CELA1: variants seen among roughly 807,000 people sequenced by gnomAD.
The protein encoded by CELA1 is chymotrypsin like elastase 1.
Under a neutral mutation model 34.8 loss-of-function variants are expected in CELA1, and 28 were observed. The ratio of observed to expected loss-of-function variants is 0.80; its 90% CI spans 0.60 to 1.10. The LOEUF (loss-of-function observed/expected upper bound fraction) is 1.10, where lower values mean the gene tolerates loss of function less well. Ranked by LOEUF, CELA1 falls within the 50% of genes least tolerant of loss-of-function variation. The pLI is 0.00. For synonymous variants in CELA1, 140 were observed against 129.8 expected (o/e 1.08, Z -0.53); for missense variants, 288 against 327.5 (o/e 0.88, Z 0.93).
chr12:51,332,810 G>C (rs1592295357), intron 6 of CELA1, among the ~76,000 whole-genome samples: 1 of 152,222 alleles, frequency 6.6e-6, no homozygotes, highest in East Asian at 1.9e-4. Flanking sequence ...AGTGAGCTGA[G>C]ATCACGCTAC....
chr12:51,341,125 G>C (rs1946531765), intron 5 of CELA1, 119 bp downstream of exon 5: 1 of 1,009,056 alleles, frequency 9.9e-7, no homozygotes, highest in African/African-American at 1.6e-5. Flanking sequence ...TGTATCTATG[G>C]TTCTTTTAGC....
At chr12:51,343,132 G>A (rs943502187) in intron 3 of CELA1, among the ~76,000 whole-genome samples, 45 of 152,226 alleles carry the variant, frequency 3.0e-4, no homozygotes, top group African/African-American at 1.0e-3. Flanking sequence ...CTTGTAAACT[G>A]GGAGAGGTGT....
intron 4 of CELA1, 99 bp from the exon 5 acceptor site, chr12:51,341,479 T>G: frequency 1.7e-5 from 23 of 1,388,558 alleles, no homozygotes; most frequent in Non-Finnish European, 2.2e-5. Flanking sequence ...CCCGTGGAAT[T>G]GGAAAGTGAC....
At chr12:51,339,762 G>A (rs1028397413) in intron 6 of CELA1, 98 bp downstream of exon 6, 1 of 1,245,678 alleles carries the variant, frequency 8.0e-7, no homozygotes, top group South Asian at 1.4e-5. Flanking sequence ...GTCTGTGTAG[G>A]ACTAAGAGTA....
chr12:51,341,406 C>T (rs1565701836), intron 4 of CELA1, 26 bp from the exon 5 acceptor site: 1 of 1,613,446 alleles, frequency 6.2e-7, no homozygotes, highest in Non-Finnish European at 8.5e-7. Context: ...AGACTGCTCA[C>T]TCATGGGATC....
intron 2 of CELA1, 47 bp downstream of exon 2, chr12:51,345,748 T>G: frequency 7.6e-6 from 10 of 1,309,200 alleles, no homozygotes; most frequent in Non-Finnish European, 9.7e-6. Flanking sequence ...TGTCATGCAC[T>G]GAGCTCTTAT....
Position 51,328,817 on chromosome 12 carries a change from T to C in CELA1, c.760-223A>G, listed in dbSNP as rs541361073. ...GCAAAGACAGACCTTGAAATGGCCG[T>C]GAGCCAAGATTAATACACAAGGCTC... On this transcript the variant is annotated intron_variant, in intron 7 of 7. Coordinates refer to ENST00000293636, the MANE Select transcript of CELA1 (RefSeq NM_001971.6). 6.6e-5 allele frequency among the ~76,000 whole-genome samples: 10 copies of C among 152,306 alleles called. No homozygotes were observed. The South Asian group carries it at 2.1e-3, about 32-fold the overall frequency.
At chr12:51,339,551 CA>C (rs1168663831) in intron 6 of CELA1, among the ~76,000 whole-genome samples, 2 of 149,248 alleles carry the variant, frequency 1.3e-5, no homozygotes, top group Non-Finnish European at 1.5e-5. Flanking sequence ...AACTCCATCT[CA>C]AAAAAAAAAT....
intron 5 of CELA1, among the ~76,000 whole-genome samples, chr12:51,340,480 C>T (rs1370212027): frequency 6.6e-6 from 1 of 151,108 alleles, no homozygotes; most frequent in Non-Finnish European, 1.5e-5. Flanking sequence ...ACCTCCGCCT[C>T]CCAGGTTCAA....
chr12:51,342,699 G>T lies in CELA1; in HGVS notation c.202C>A (p.Gln68Lys). 6.2e-7 allele frequency: 1 copy of T among 1,614,054 alleles called. No individual in the cohort carries two copies. Among genetic ancestry groups the T allele is most frequent in the Non-Finnish European group, 8.5e-7 (1 of 1,179,958 alleles). The change falls in exon 4 of 8, where the codon CAG (glutamine) becomes AAG (lysine). Residue 68 changes from glutamine (Q) to lysine (K), a missense_variant and splice_region_variant. Transcript: ENST00000293636. ...VMTAAHCVDY[Q>K]KTFRVVAGDH... The stretch of plus-strand genomic sequence containing the variant: ...CCAGCCACCACGCGGAAAGTCTTCT[G>T]GCTGGCGTGAGAGAAGGAATCCCTG...
At chr12:51,329,644 C>T in intron 7 of CELA1, 40 bp downstream of exon 7, 4 of 1,563,944 alleles carry the variant, frequency 2.6e-6, no homozygotes, top group Non-Finnish European at 3.5e-6. Context: ...CGTAGGTCTC[C>T]AGGTGACCCC....
chr12:51,342,813 T>A (rs1592298933), intron 3 of CELA1, 113 bp from the exon 4 acceptor site: 9 of 218,530 alleles, frequency 4.1e-5, no homozygotes, highest in East Asian at 3.6e-4. Flanking sequence ...ATTTAGGAAA[T>A]TTTTTTTTTT....
At position 51,341,122 on chromosome 12, in the gene CELA1, A is replaced by G. The variant is rs536908636; in HGVS notation, c.463+122T>C. On this transcript the variant is annotated intron_variant, in intron 5 of 7. Coordinates refer to ENST00000293636, the MANE Select transcript of CELA1 (RefSeq NM_001971.6). ...ATATAATGCATCAGTTATTGTATCT[A>G]TGGTTCTTTTAGCTCCTGGTCTCTG... 1.4e-4 allele frequency: 133 copies of G among 960,012 alleles called. No homozygotes were observed. In the African/African-American group the frequency reaches 1.7e-3, roughly 12 times the overall value. The allele number at this position is 960,012 out of a possible 1,614,324, so 59.5% of individuals were successfully genotyped here.
chr12:51,340,089 C>T, intron 5 of CELA1, 84 bp from the exon 6 acceptor site: 2 of 1,310,162 alleles, frequency 1.5e-6, no homozygotes, highest in Admixed American at 4.6e-5. Context: ...CCTTCCCAAA[C>T]TCTCGTGAAA....
chr12:51,344,624 G>A (rs2137484600), intron 2 of CELA1, among the ~76,000 whole-genome samples: 1 of 152,114 alleles, frequency 6.6e-6, no homozygotes, highest in South Asian at 2.1e-4. Flanking sequence ...CCAGGAGGTG[G>A]AGGTTACAGT....
intron 6 of CELA1, 76 bp from the exon 7 acceptor site, chr12:51,329,909 T>C: frequency 7.1e-7 from 1 of 1,403,886 alleles, no homozygotes; most frequent in Non-Finnish European, 9.6e-7. Context: ...CCCCCGTCTC[T>C]GGTTGTGAAA....
chr12:51,341,292 G>A lies in CELA1; in HGVS notation c.415C>T (p.Leu139=). The A allele has an allele frequency of 6.2e-7, 1 of 1,614,168 alleles. No individual in the cohort carries two copies. Among genetic ancestry groups the A allele is most frequent in the Admixed American group, 1.7e-5 (1 of 60,026 alleles). Residue 139 remains leucine, a synonymous_variant, in exon 5 of 8, where the codon CTG becomes TTG. Coordinates refer to ENST00000293636, the MANE Select transcript of CELA1 (RefSeq NM_001971.6). Reference sequence around the variant, plus strand: ...ATGTAGCAGGGACTGTTGTTAGCCAGGATGGCTCCCTCCTGGGGCAGAACA... The same window carrying A: ...ATGTAGCAGGGACTGTTGTTAGCCAAGATGGCTCCCTCCTGGGGCAGAACA... ...LGVLPQEGAI[L]ANNSPCYITG... is the part of the protein sequence containing the mutation.
intron 6 of CELA1, among the ~76,000 whole-genome samples, chr12:51,332,326 A>C (rs1946474864): frequency 6.6e-6 from 1 of 152,218 alleles, no homozygotes; most frequent in African/African-American, 2.4e-5. Flanking sequence ...AGAGGTTGAG[A>C]TGGTGATCAG....
intron 6 of CELA1, among the ~76,000 whole-genome samples, chr12:51,337,857 A>G (rs1390704398): frequency 6.6e-6 from 1 of 150,656 alleles, no homozygotes; most frequent in Admixed American, 6.7e-5. Flanking sequence ...TTACAAGTGA[A>G]CCATGATGGT....
Sources: allele counts gnomAD v4.1 joint callset (sites outside exome capture counted in the v4.1 genomes callset), GRCh38; gene constraint gnomAD v4.1.1; transcripts MANE v1.5; gene names NCBI Gene and HGNC (gene_info 2026-07-23, HGNC 2026-07-21).